The following ZSWIM9 variants were observed in gnomAD, a reference collection of about 807,000 sequenced individuals.
ZSWIM9 encodes the protein zinc finger SWIM-type containing 9.
Under a neutral mutation model 25.0 loss-of-function variants are expected in ZSWIM9, and 11 were observed. That is an observed-to-expected ratio of 0.44 (90% CI 0.28 to 0.73). The LOEUF (loss-of-function observed/expected upper bound fraction) is 0.73. Ranked by LOEUF, ZSWIM9 falls within the 30% of genes least tolerant of loss-of-function variation. The probability of loss-of-function intolerance (pLI) is 0.16; values close to 1 mark genes in which losing one functional copy is unlikely to be tolerated. For synonymous variants in ZSWIM9, 562 were observed against 582.1 expected (o/e 0.97, Z 0.50); for missense variants, 1,070 against 1,296.5 (o/e 0.83, Z 2.68).
At position 48,182,995 on chromosome 19, in the gene ZSWIM9, A is replaced by C; in HGVS notation, c.588+228A>C. ...CTTACCTTCTAGGGTAGTGCTGCCC[A>C]GTAGAACTTTCTTCCAGGATGGAAA... On this transcript the variant is annotated intron_variant, in intron 3 of 3. Coordinates refer to ENST00000614654, the MANE Select transcript of ZSWIM9 (RefSeq NM_199341.4). This position sits in a 1 kb window ranked among gnomAD's most constrained non-coding sequence, Gnocchi z 4.6. 3.7e-6 allele frequency: 2 copies of C among 540,936 alleles called. No homozygotes were observed. 33.5% of individuals were successfully genotyped at this position (540,936 alleles called of 1,614,324 possible).
chr19:48,195,706 A>G lies in ZSWIM9; in HGVS notation c.1642A>G (p.Lys548Glu), dbSNP rs1235708613. 1 of 1,464,600 alleles carries G rather than the reference A, an allele frequency of 6.8e-7. No homozygotes were observed. The highest frequency in any genetic ancestry group is 9.0e-7 in the Non-Finnish European group (1 of 1,115,710). 90.7% of individuals were successfully genotyped at this position (1,464,600 alleles called of 1,614,324 possible). The change falls in exon 4 of 4, where the codon AAA becomes GAA. Residue 548 changes from lysine to glutamate, a missense_variant. Lys to Glu is a moderately conservative substitution (Grantham distance 56). Around this residue, in one of 4 missense-constraint regions of ZSWIM9, gnomAD observed 583 missense variants for 624.7 expected, o/e 0.93. Transcript: ENST00000614654. The surrounding 1 kb of genome is among the most constrained non-coding windows in gnomAD (Gnocchi z 5.8). ...TGTCTTGAGAGGGTCGAAGTTAGAGAAAGGGCACCTGAGAGGGCCAGAGAT... is the reference window on the plus strand; with the variant it reads ...TGTCTTGAGAGGGTCGAAGTTAGAGGAAGGGCACCTGAGAGGGCCAGAGAT... ...GGVLRGSKLEKGHLRGPEIRD... is the reference protein window; with the variant it reads ...GGVLRGSKLEEGHLRGPEIRD...
At chr19:48,181,504 A>G (rs2036948231) in intron 2 of ZSWIM9, 1 of 152,046 alleles carries the variant, frequency 6.6e-6, no homozygotes, top group Non-Finnish European at 1.5e-5. Flanking sequence ...TTCTCACTCT[A>G]TTGTTGGATA....
Position 48,196,844 on chromosome 19 carries a change from C to G in ZSWIM9, c.*17C>G. On this transcript the variant is annotated 3_prime_UTR_variant, in exon 4 of 4. Coordinates refer to ENST00000614654, the MANE Select transcript of ZSWIM9 (RefSeq NM_199341.4). ...GAGCCCTGACCCTTCATGCCTCTGCCCACCACCCTCCACCAGGAGGGTCGG... is the reference window on the plus strand; with the variant it reads ...GAGCCCTGACCCTTCATGCCTCTGCGCACCACCCTCCACCAGGAGGGTCGG... The G allele has an allele frequency of 6.4e-6, 8 of 1,246,054 alleles. No homozygotes were observed. The highest frequency in any genetic ancestry group is 8.0e-6 in the Non-Finnish European group (8 of 996,552). The allele number at this position is 1,246,054 out of a possible 1,614,324, so 77.2% of individuals were successfully genotyped here. A position where few individuals can be genotyped will look rare whatever the true frequency, so the allele number is the denominator to read the frequency against.
intron 1 of ZSWIM9, 94 bp from the exon 2 acceptor site, chr19:48,171,700 C>G (rs1480403139): frequency 3.1e-6 from 4 of 1,274,050 alleles, no homozygotes; most frequent in Non-Finnish European, 4.2e-6. Context: ...ATAGAGGCAC[C>G]AGCAACCGAC....
At chr19:48,189,961 G>C (rs981984603) in intron 3 of ZSWIM9, among the ~76,000 whole-genome samples, 5 of 152,166 alleles carry the variant, frequency 3.3e-5, no homozygotes, top group Admixed American at 3.3e-4. Context: ...CCAGCACTTC[G>C]AGAGGCTGAG....
In ZSWIM9 at chr19:48,171,872, T is replaced by G; in HGVS notation, c.70T>G (p.Phe24Val). ...GGAGCAGGAGCTGCGGGAGCGGGCC[T>G]TCTTCTCGTGGGCCGAGTTCAGCCG... Reference protein sequence around the residue: ...QEEQELRERAFFSWAEFSRFF... With the variant: ...QEEQELRERAVFSWAEFSRFF... The change falls in exon 2 of 4, where the codon TTC becomes GTC. Residue 24 changes from phenylalanine (F) to valine (V), a missense_variant. By Grantham distance (50) the Phe-to-Val change is conservative. This residue lies in a region of ZSWIM9 where 265 missense variants were observed against 339.0 expected (regional missense o/e 0.78). Coordinates refer to ENST00000614654, the MANE Select transcript of ZSWIM9 (RefSeq NM_199341.4). The G allele has an allele frequency of 6.5e-7, 1 of 1,535,550 alleles. No homozygotes were observed. The highest frequency in any genetic ancestry group is 8.7e-7 in the Non-Finnish European group (1 of 1,146,640).
At position 48,182,388 on chromosome 19, in the gene ZSWIM9, G is replaced by C. The variant is rs569846756; in HGVS notation, c.276-67G>C. 772 of 1,108,570 alleles carry C rather than the reference G, an allele frequency of 7.0e-4. 6 individuals carry two copies. In the East Asian group the frequency reaches 0.02, roughly 29 times the overall value. The allele number at this position is 1,108,570 out of a possible 1,614,324, so 68.7% of individuals were successfully genotyped here. A position where few individuals can be genotyped will look rare whatever the true frequency, so the allele number is the denominator to read the frequency against. The stretch of plus-strand genomic sequence containing the variant: ...ATTCTTAGTTTAAAAAAAAAAAAAA[G>C]GTGAGTGGAAAGGAAGAAGAGGGCA... On this transcript the variant is annotated intron_variant, in intron 2 of 3. Transcript: ENST00000614654. This position sits in a 1 kb window ranked among gnomAD's most constrained non-coding sequence, Gnocchi z 4.6.
rs900066086 is a variant in ZSWIM9, at chr19:48,194,676, C to G, written c.612C>G (p.Asp204Glu). 1.2e-5 allele frequency: 18 copies of G among 1,511,600 alleles called. No homozygotes were observed. Among genetic ancestry groups the G allele is most frequent in the African/African-American group, 4.2e-5 (3 of 72,170 alleles). The allele number at this position is 1,511,600 out of a possible 1,614,324, so 93.6% of individuals were successfully genotyped here. A position where few individuals can be genotyped will look rare whatever the true frequency, so the allele number is the denominator to read the frequency against. The change falls in exon 4 of 4, where the codon GAC (aspartate) becomes GAG (glutamate). Residue 204 changes from aspartate to glutamate, a missense_variant. By Grantham distance (45) the Asp-to-Glu change is conservative. Around this residue, in one of 4 missense-constraint regions of ZSWIM9, gnomAD observed 265 missense variants for 339.0 expected, o/e 0.78. Transcript: ENST00000614654. This position sits in a 1 kb window ranked among gnomAD's most constrained non-coding sequence, Gnocchi z 6.0. ...EAKVKLVFVE[D>E]QAVVETVFFL... is the part of the protein sequence containing the mutation. ...AGGTGAAGCTGGTGTTCGTGGAGGA[C>G]CAGGCTGTGGTGGAGACGGTGTTCT...
At position 48,196,838 on chromosome 19, in the gene ZSWIM9, C is replaced by T. The variant is rs1280023595; in HGVS notation, c.*11C>T. On this transcript the variant is annotated 3_prime_UTR_variant, in exon 4 of 4. Coordinates refer to ENST00000614654, the MANE Select transcript of ZSWIM9 (RefSeq NM_199341.4). ...GCCCCAGAGCCCTGACCCTTCATGC[C>T]TCTGCCCACCACCCTCCACCAGGAG... The T allele has an allele frequency of 1.6e-6, 2 of 1,244,080 alleles. No individual in the cohort carries two copies. The highest frequency in any genetic ancestry group is 1.5e-5 in the African/African-American group (1 of 64,822). The allele number at this position is 1,244,080 out of a possible 1,614,324, so 77.1% of individuals were successfully genotyped here. A position where few individuals can be genotyped will look rare whatever the true frequency, so the allele number is the denominator to read the frequency against.
chr19:48,180,267 C>T lies in ZSWIM9; in HGVS notation c.276-2188C>T, dbSNP rs1394535524. Among the ~76,000 whole-genome samples the T allele has an allele frequency of 3.3e-5, 5 of 151,974 alleles. No homozygotes were observed. In the South Asian group the frequency reaches 8.3e-4, roughly 25 times the overall value. ...CCAACCTCAGGTGATCCGCCCACCT[C>T]GGCCTCCCAGAGTTCTGGGATTACA... On this transcript the variant is annotated intron_variant, in intron 2 of 3. Coordinates refer to ENST00000614654, the MANE Select transcript of ZSWIM9 (RefSeq NM_199341.4).
intron 1 of ZSWIM9, chr19:48,171,501 G>A: frequency 3.3e-6 from 2 of 600,962 alleles, no homozygotes; most frequent in Non-Finnish European, 2.1e-6. Context: ...TATTTTGGGA[G>A]GAGAGATTCC....
At position 48,195,449 on chromosome 19, in the gene ZSWIM9, C is replaced by T. The variant is rs1285691028; in HGVS notation, c.1385C>T (p.Ala462Val). The T allele has an allele frequency of 7.0e-7, 1 of 1,431,326 alleles. No homozygotes were observed. Among genetic ancestry groups the T allele is most frequent in the Admixed American group, 2.9e-5 (1 of 34,088 alleles). The allele number at this position is 1,431,326 out of a possible 1,614,324, so 88.7% of individuals were successfully genotyped here. ...PWLEDEPGRG[A>V]QGENERVRGL... The stretch of plus-strand genomic sequence containing the variant: ...CTGGAGGATGAGCCAGGGAGGGGAG[C>T]CCAGGGGGAGAACGAGAGGGTGAGG... Residue 462 changes from alanine (A) to valine (V), a missense_variant, in exon 4 of 4, where the codon GCC becomes GTC. This residue lies in a region of ZSWIM9 where 583 missense variants were observed against 624.7 expected (regional missense o/e 0.93). Coordinates refer to ENST00000614654, the MANE Select transcript of ZSWIM9 (RefSeq NM_199341.4). This position sits in a 1 kb window ranked among gnomAD's most constrained non-coding sequence, Gnocchi z 5.8.
intron 2 of ZSWIM9, among the ~76,000 whole-genome samples, chr19:48,173,077 T>C (rs1032857876): frequency 6.6e-6 from 1 of 152,190 alleles, no homozygotes; most frequent in African/African-American, 2.4e-5. Flanking sequence ...GGTCCCATGC[T>C]GTGGGCTGGG....
At chr19:48,191,353 C>T (rs1347696958) in intron 3 of ZSWIM9, among the ~76,000 whole-genome samples, 1 of 152,046 alleles carries the variant, frequency 6.6e-6, no homozygotes, top group Admixed American at 6.6e-5. Context: ...TACAGGCGCG[C>T]ACCACCACGC....
intron 3 of ZSWIM9, among the ~76,000 whole-genome samples, chr19:48,192,472 A>ATAT (rs1255944064): frequency 4.0e-5 from 1 of 24,990 alleles, no homozygotes; most frequent in African/African-American, 1.3e-4. Flanking sequence ...AAAAAAAAAA[A>ATAT]AAAAAAAAAT....
intron 3 of ZSWIM9, among the ~76,000 whole-genome samples, chr19:48,187,519 ATT>A (rs2037036755): frequency 1.2e-5 from 1 of 84,944 alleles, no homozygotes; most frequent in African/African-American, 5.0e-5. Context: ...TATTATATAT[ATT>A]ATATATTATA....
chr19:48,196,505 G>C lies in ZSWIM9; in HGVS notation c.2441G>C (p.Gly814Ala). 1 of 1,232,612 alleles carries C rather than the reference G, an allele frequency of 8.1e-7. No individual in the cohort carries two copies. Among genetic ancestry groups the C allele is most frequent in the Non-Finnish European group, 1.0e-6 (1 of 988,326 alleles). The allele number at this position is 1,232,612 out of a possible 1,614,324, so 76.4% of individuals were successfully genotyped here. ...REPKRLCRPPGEEEVDWEPLA... is the reference protein window; with the variant it reads ...REPKRLCRPPAEEEVDWEPLA... ...CCAAAGAGGCTTTGCCGACCCCCGG[G>C]AGAGGAGGAGGTGGACTGGGAACCC... Residue 814 changes from glycine (G) to alanine (A), a missense_variant, in exon 4 of 4, where the codon GGA becomes GCA. Gly to Ala is a moderately conservative substitution (Grantham distance 60). Around this residue, in one of 4 missense-constraint regions of ZSWIM9, gnomAD observed 583 missense variants for 624.7 expected, o/e 0.93. Transcript: ENST00000614654.
At chr19:48,173,855 C>T (rs146985095) in intron 2 of ZSWIM9, among the ~76,000 whole-genome samples, 2,580 of 152,110 alleles carry the variant, frequency 0.017, 87 homozygotes, top group African/African-American at 0.056. Flanking sequence ...CTTGAACTCC[C>T]GACCTCAGGT....
At chr19:48,181,308 G>A (rs1247056549) in intron 2 of ZSWIM9, 2 of 152,124 alleles carry the variant, frequency 1.3e-5, no homozygotes, top group Admixed American at 6.5e-5. Flanking sequence ...GCCTCCTAAC[G>A]ATAGAGGTTA....
Sources: gnomAD v4.1 joint callset for allele counts (sites outside exome capture counted in the v4.1 genomes callset) on GRCh38, gnomAD v4.1.1 for gene constraint, gnomAD v4.1.1 regional missense constraint, Gnocchi (gnomAD v3.1) non-coding constraint, MANE v1.5 for transcripts, NCBI Gene and HGNC (gene_info 2026-07-23, HGNC 2026-07-21) for gene names.